The following FASTKD2 variants were observed in gnomAD, a reference collection of about 807,000 sequenced individuals.
FASTKD2 encodes the protein FAST kinase domains 2.
Under a neutral mutation model 63.6 loss-of-function variants are expected in FASTKD2, and 51 were observed. The observed-to-expected ratio is 0.80, with a 90% CI of 0.64 to 1.01. FASTKD2 has a LOEUF of 1.01. FASTKD2 is among the 50% of genes least tolerant of loss of function. The probability of loss-of-function intolerance (pLI) is 0.00; values close to 1 mark genes in which losing one functional copy is unlikely to be tolerated. For synonymous variants in FASTKD2, 284 were observed against 293.4 expected (o/e 0.97, Z 0.33); for missense variants, 786 against 831.1 (o/e 0.95, Z 0.67).
chr2:206,782,849 G>A (rs1240222550), intron 7 of FASTKD2, among the ~76,000 whole-genome samples: 1 of 152,016 alleles, frequency 6.6e-6, no homozygotes, highest in Non-Finnish European at 1.5e-5. Flanking sequence ...TCTATGTCAA[G>A]TTCTTATGAC....
intron 9 of FASTKD2, among the ~76,000 whole-genome samples, chr2:206,788,496 G>C (rs1256189705): frequency 6.6e-6 from 1 of 152,032 alleles, no homozygotes; most frequent in African/African-American, 2.4e-5. Context: ...CATGTGGAGA[G>C]GCCGAGGCAG....
Position 206,789,073 on chromosome 2 carries a change from G to A in FASTKD2, c.1898+170G>A, listed in dbSNP as rs1690214171. ...GTACTCCTTAGAAAGTGTAAATGTG[G>A]ACGTTATGGTTGAATACAATGGACT... On this transcript the variant is annotated intron_variant, in intron 10 of 11. Coordinates refer to ENST00000402774, the MANE Select transcript of FASTKD2 (RefSeq NM_001136193.2). 8 of 632,236 alleles carry A rather than the reference G, an allele frequency of 1.3e-5. No individual in the cohort carries two copies. In the South Asian group the frequency reaches 1.4e-4, roughly 11 times the overall value. The allele number at this position is 632,236 out of a possible 1,614,324, so 39.2% of individuals were successfully genotyped here.
intron 7 of FASTKD2, among the ~76,000 whole-genome samples, chr2:206,780,742 A>G (rs969578556): frequency 6.6e-6 from 1 of 151,946 alleles, no homozygotes; most frequent in African/African-American, 2.4e-5. Flanking sequence ...CATAATGCAC[A>G]CATTGGTTTG....
Position 206,796,035 on chromosome 2 carries a change from G to C in FASTKD2, c.*4233G>C, listed in dbSNP as rs549826249. 6.6e-6 allele frequency among the ~76,000 whole-genome samples: 1 copy of C among 152,296 alleles called. No individual in the cohort carries two copies. Among genetic ancestry groups the C allele is most frequent in the South Asian group, 2.1e-4 (1 of 4,832 alleles). On this transcript the variant is annotated 3_prime_UTR_variant, in exon 12 of 12. Transcript: ENST00000402774. Reference sequence around the variant, plus strand: ...TTCATCTTGTAAGCAGGAGGCTTCTGTGCATGGCCAGAAACTAACAAAAGC... The same window carrying C: ...TTCATCTTGTAAGCAGGAGGCTTCTCTGCATGGCCAGAAACTAACAAAAGC...
At chr2:206,777,208 C>G (rs1689845965) in intron 7 of FASTKD2, among the ~76,000 whole-genome samples, 1 of 151,962 alleles carries the variant, frequency 6.6e-6, no homozygotes. Flanking sequence ...ATTTCCAGTA[C>G]CTTGTTGAAT....
At chr2:206,774,204 C>G (rs1236298608) in intron 6 of FASTKD2, 21 bp from the exon 7 acceptor site, 1 of 1,560,370 alleles carries the variant, frequency 6.4e-7, no homozygotes, top group East Asian at 2.3e-5. Flanking sequence ...TAGAGTTTTC[C>G]CTCAATTTTC....
In FASTKD2 at chr2:206,772,274, T is replaced by C. The variant is rs750705461; in HGVS notation, c.1208T>C (p.Leu403Pro). ...CATAATTTGGATCTCTTCAAGGGAC[T>C]TGCAGATTATGTGGCTGCAACTTTC... ...QYHNLDLFKG[L>P]ADYVAATFDI... The change falls in exon 6 of 12, where the codon CTT (leucine) becomes CCT (proline). Residue 403 changes from leucine to proline, a missense_variant. Coordinates refer to ENST00000402774, the MANE Select transcript of FASTKD2 (RefSeq NM_001136193.2). 3 of 1,614,084 alleles carry C rather than the reference T, an allele frequency of 1.9e-6. No homozygotes were observed. Among genetic ancestry groups the C allele is most frequent in the South Asian group, 1.1e-5 (1 of 91,080 alleles).
intron 7 of FASTKD2, among the ~76,000 whole-genome samples, chr2:206,781,954 T>C (rs1193073752): frequency 6.6e-6 from 1 of 152,178 alleles, no homozygotes; most frequent in Non-Finnish European, 1.5e-5. Context: ...GAAGACATGC[T>C]CCACTCCTCT....
chr2:206,774,787 G>T (rs762467991), intron 7 of FASTKD2, among the ~76,000 whole-genome samples: 2 of 151,952 alleles, frequency 1.3e-5, no homozygotes, highest in Non-Finnish European at 2.9e-5. Context: ...AAAGTGTGCA[G>T]TACAATATTG....
At chr2:206,780,033 A>G (rs542744312) in intron 7 of FASTKD2, among the ~76,000 whole-genome samples, 17 of 152,288 alleles carry the variant, frequency 1.1e-4, no homozygotes, top group Middle Eastern at 3.4e-3. Flanking sequence ...GTCTCCCCAT[A>G]CTTTGTTATT....
In FASTKD2 at chr2:206,795,387, C is replaced by G. The variant is rs966031789; in HGVS notation, c.*3585C>G. On this transcript the variant is annotated 3_prime_UTR_variant, in exon 12 of 12. Transcript: ENST00000402774. ...TAGCTGGGACTACAGGTGCCCACCT[C>G]CATGCCCGGCTAATTTTTGTATTTT... Among the ~76,000 whole-genome samples, 5 of 152,204 alleles carry G rather than the reference C, an allele frequency of 3.3e-5. No homozygotes were observed. Among genetic ancestry groups the G allele is most frequent in the Non-Finnish European group, 4.4e-5 (3 of 68,038 alleles).
At chr2:206,784,473 G>A (rs1163362454) in intron 7 of FASTKD2, among the ~76,000 whole-genome samples, 1 of 152,236 alleles carries the variant, frequency 6.6e-6, no homozygotes, top group Non-Finnish European at 1.5e-5. Flanking sequence ...CCATCGGGGA[G>A]AGGGTGTTAA....
intron 7 of FASTKD2, among the ~76,000 whole-genome samples, chr2:206,783,925 C>A (rs1446171866): frequency 6.6e-6 from 1 of 152,178 alleles, no homozygotes; most frequent in Non-Finnish European, 1.5e-5. Context: ...CTCTAGTGGA[C>A]AGAGGCCAGG....
At position 206,786,718 on chromosome 2, in the gene FASTKD2, T is replaced by C. The variant is rs562054542; in HGVS notation, c.1428-15T>C. 3.1e-6 allele frequency: 5 copies of C among 1,612,528 alleles called. No individual in the cohort carries two copies. The South Asian group carries it at 5.5e-5, about 18-fold the overall frequency. On this transcript the variant is annotated splice_polypyrimidine_tract_variant and intron_variant, in intron 7 of 11. Transcript: ENST00000402774. The stretch of plus-strand genomic sequence containing the variant: ...TCTGTATATGTTGGGAAACTGACTT[T>C]TCTTTGTTCCCCAGACAGTTCGTGG...
intron 7 of FASTKD2, among the ~76,000 whole-genome samples, chr2:206,778,828 T>C (rs553974746): frequency 4.6e-5 from 7 of 152,210 alleles, no homozygotes; most frequent in African/African-American, 1.7e-4. Context: ...TGAACCCTAT[T>C]GTGAACTGTG....
chr2:206,766,898 C>A lies in FASTKD2; in HGVS notation c.205C>A (p.Gln69Lys). The A allele has an allele frequency of 6.3e-7, 1 of 1,596,958 alleles. No individual in the cohort carries two copies. The highest frequency in any genetic ancestry group is 8.5e-7 in the Non-Finnish European group (1 of 1,171,080). Reference protein sequence around the residue: ...NILNNFHNRMQSTDIIRYLFQ... With the variant: ...NILNNFHNRMKSTDIIRYLFQ... ...TTTAAATAACTTTCATAACAGAATG[C>A]AATCAACTGATATCATTAGATATCT... Residue 69 changes from glutamine to lysine, a missense_variant, in exon 2 of 12, where the codon CAA (glutamine) becomes AAA (lysine). Physicochemically the swap from Gln to Lys is moderately conservative, Grantham distance 53. Coordinates refer to ENST00000402774, the MANE Select transcript of FASTKD2 (RefSeq NM_001136193.2).
Position 206,795,777 on chromosome 2 carries a change from A to G in FASTKD2, c.*3975A>G, listed in dbSNP as rs926956029. On this transcript the variant is annotated 3_prime_UTR_variant, in exon 12 of 12. Coordinates refer to ENST00000402774, the MANE Select transcript of FASTKD2 (RefSeq NM_001136193.2). ...AGCATTTTATTTTTCTAGAAGAGCA[A>G]TAACAGAGACCCCAGGGTGTGGTGT... 6.6e-5 allele frequency among the ~76,000 whole-genome samples: 10 copies of G among 152,234 alleles called. No homozygotes were observed. Among genetic ancestry groups the G allele is most frequent in the African/African-American group, 2.4e-4 (10 of 41,458 alleles).
chr2:206,774,345 A>C lies in FASTKD2; in HGVS notation c.1375A>C (p.Ile459Leu), dbSNP rs1423814128. The C allele has an allele frequency of 6.2e-7, 1 of 1,603,974 alleles. No individual in the cohort carries two copies. Among genetic ancestry groups the C allele is most frequent in the Non-Finnish European group, 8.5e-7 (1 of 1,171,654 alleles). ...ESLNMKNILS[I>L]LHTYSSLNHV... ...CCTAAACATGAAAAACATTCTATCT[A>C]TTCTTCATACTTACTCTTCTCTCAA... is the stretch of plus-strand genomic sequence containing the variant. The change falls in exon 7 of 12, where the codon ATT becomes CTT. Residue 459 changes from isoleucine to leucine, a missense_variant. By Grantham distance (5) the Ile-to-Leu change is conservative (BLOSUM62 2). Coordinates refer to ENST00000402774, the MANE Select transcript of FASTKD2 (RefSeq NM_001136193.2).
At position 206,788,896 on chromosome 2, in the gene FASTKD2, A is replaced by G. The variant is rs778887736; in HGVS notation, c.1891A>G (p.Ile631Val). 5.9e-6 allele frequency: 9 copies of G among 1,523,816 alleles called. No homozygotes were observed. The highest frequency in any genetic ancestry group is 8.2e-6 in the Non-Finnish European group (9 of 1,098,388). The allele number at this position is 1,523,816 out of a possible 1,614,324, so 94.4% of individuals were successfully genotyped here. Reference protein sequence around the residue: ...SDVDTTSATDIQRVAVLCVSR... With the variant: ...SDVDTTSATDVQRVAVLCVSR... Reference sequence around the variant, plus strand: ...TGTGGATACAACTTCTGCTACAGATATTCAAAGGTTGCTTACATATATTTC... The same window carrying G: ...TGTGGATACAACTTCTGCTACAGATGTTCAAAGGTTGCTTACATATATTTC... Residue 631 changes from isoleucine to valine, a missense_variant, in exon 10 of 12, where the codon ATT becomes GTT. Coordinates refer to ENST00000402774, the MANE Select transcript of FASTKD2 (RefSeq NM_001136193.2).
Sources: allele counts gnomAD v4.1 joint callset (sites outside exome capture counted in the v4.1 genomes callset), GRCh38; gene constraint gnomAD v4.1.1; transcripts MANE v1.5; gene names NCBI Gene and HGNC (gene_info 2026-07-23, HGNC 2026-07-21).